Variants in RGS22 observed in about 807,000 individuals in gnomAD.
RGS22 encodes regulator of G-protein signaling 22.
RGS22 carries 148 observed loss-of-function variants against 172.9 expected under a neutral mutation model. The ratio of observed to expected loss-of-function variants is 0.86; its 90% CI spans 0.75 to 0.98. RGS22 has a LOEUF of 0.98. Ranked by LOEUF, RGS22 falls within the 50% of genes least tolerant of loss-of-function variation. RGS22 has a pLI of 0.00. For missense variants in RGS22, 1,347 were observed against 1,440.8 expected (o/e 0.93, Z 1.05); for synonymous variants, 458 against 480.2 (o/e 0.95, Z 0.60).
chr8:100,012,738 C>T (rs1816523065), intron 14 of RGS22, among the ~76,000 whole-genome samples: 1 of 152,062 alleles, frequency 6.6e-6, no homozygotes, highest in Non-Finnish European at 1.5e-5. Context: ...AGGATTTGCT[C>T]CAATAATTCC....
intron 14 of RGS22, among the ~76,000 whole-genome samples, chr8:100,011,129 G>A (rs1308443018): frequency 6.6e-6 from 1 of 152,114 alleles, no homozygotes; most frequent in Non-Finnish European, 1.5e-5. Context: ...CTGGCTAAAG[G>A]AAAGAGGTGA....
chr8:100,049,314 T>C (rs1821040556), intron 10 of RGS22, among the ~76,000 whole-genome samples: 2 of 152,218 alleles, frequency 1.3e-5, no homozygotes, highest in South Asian at 2.1e-4. Flanking sequence ...CCTTAGTTTC[T>C]GTATGGAAAA....
chr8:100,097,610 A>G (rs1027772341), intron 2 of RGS22, among the ~76,000 whole-genome samples: 1 of 152,234 alleles, frequency 6.6e-6, no homozygotes, highest in African/African-American at 2.4e-5. Context: ...GTACAAGGAA[A>G]TAAGATCAAG....
At chr8:100,009,078 T>C (rs894144849) in intron 14 of RGS22, among the ~76,000 whole-genome samples, 3 of 152,174 alleles carry the variant, frequency 2.0e-5, no homozygotes, top group Admixed American at 2.0e-4. Context: ...CCATTAAGTC[T>C]TTCCATCTGG....
chr8:100,076,038 T>A (rs1811324221), intron 4 of RGS22, among the ~76,000 whole-genome samples: 1 of 152,340 alleles, frequency 6.6e-6, no homozygotes, highest in Middle Eastern at 3.4e-3. Flanking sequence ...GAAATGTCTA[T>A]TCTAAACCCT....
Position 100,063,818 on chromosome 8 carries a change from CT to C in RGS22, c.949del (p.Ser317AlafsTer8), listed in dbSNP as rs1160361460. 3.6e-5 allele frequency: 58 copies of C among 1,609,348 alleles called. No homozygotes were observed. Among genetic ancestry groups the C allele is most frequent in the Non-Finnish European group, 4.8e-5 (57 of 1,178,930 alleles). On this transcript the variant is annotated frameshift_variant, in exon 8 of 28. Transcript: ENST00000360863. LOFTEE classifies it high-confidence loss of function. ...TCTCAAAATAAAGTATATATAGGAGCTTAAAAATTCTTCACATGTTGAGAAA... is the reference window on the plus strand; with the variant it reads ...TCTCAAAATAAAGTATATATAGGAGCTAAAAATTCTTCACATGTTGAGAAA... ...MHFSTCEEFL[S>X]SYIYFILRGA... is the part of the protein sequence containing the mutation.
chr8:99,999,513 C>A, intron 18 of RGS22, 93 bp from the exon 19 acceptor site: 1 of 1,400,956 alleles, frequency 7.1e-7, no homozygotes, highest in Non-Finnish European at 9.8e-7. Context: ...AAACCATTTG[C>A]TGCACCCTGA....
intron 23 of RGS22, among the ~76,000 whole-genome samples, chr8:99,970,296 G>C (rs1286873843): frequency 6.6e-6 from 1 of 152,058 alleles, no homozygotes; most frequent in African/African-American, 2.4e-5. Context: ...ATCTAAAATT[G>C]ATACCCTAAC....
Position 100,093,490 on chromosome 8 carries a change from T to C in RGS22, c.74A>G (p.Asp25Gly), listed in dbSNP as rs1245086323. The change falls in exon 3 of 28, where the codon GAT (aspartate) becomes GGT (glycine). Residue 25 changes from aspartate (D) to glycine (G), a missense_variant. Transcript: ENST00000360863. ...ATTAAAGTAGTCTACAAGGAAATCA[T>C]CTGTTGCCAGAGAATCTTCCTGCAA... ...EEEFEDSLATDDFLVDYFNEF... is the reference protein window; with the variant it reads ...EEEFEDSLATGDFLVDYFNEF... The C allele has an allele frequency of 1.9e-6, 3 of 1,597,650 alleles. No homozygotes were observed. Among genetic ancestry groups the C allele is most frequent in the East Asian group, 2.2e-5 (1 of 44,630 alleles).
At chr8:100,005,085 T>C (rs973110830) in intron 16 of RGS22, among the ~76,000 whole-genome samples, 1 of 152,014 alleles carries the variant, frequency 6.6e-6, no homozygotes, top group African/African-American at 2.4e-5. Flanking sequence ...TAAAGTTTAG[T>C]TCATAGAGTT....
intron 2 of RGS22, among the ~76,000 whole-genome samples, chr8:100,103,628 TG>T (rs1468657985): frequency 7.4e-6 from 1 of 135,550 alleles, no homozygotes; most frequent in African/African-American, 2.5e-5. Context: ...TATGGAGATG[TG>T]GAAGTCCCAC....
In RGS22 at chr8:100,090,859, T is replaced by C. The variant is rs188225826; in HGVS notation, c.117+2588A>G. ...TCAAGAGATAGCAAGAGCCAGATCA[T>C]ATAGGATTCTGGATTTTATTCTTAG... On this transcript the variant is annotated intron_variant, in intron 3 of 27. Transcript: ENST00000360863. 1.1e-3 allele frequency among the ~76,000 whole-genome samples: 167 copies of C among 152,278 alleles called. 2 individuals carry two copies. Among genetic ancestry groups the C allele is most frequent in the Middle Eastern group, 0.01 (3 of 294 alleles).
chr8:99,993,124 G>A (rs1813943924), intron 20 of RGS22, among the ~76,000 whole-genome samples: 1 of 152,166 alleles, frequency 6.6e-6, no homozygotes, highest in African/African-American at 2.4e-5. Context: ...GCAGTGTGTA[G>A]AGGGAAATTT....
rs1343674455 is a variant in RGS22, at chr8:100,080,733, T to G, written c.118-378A>C. 12 of 172,720 alleles carry G rather than the reference T, an allele frequency of 6.9e-5. 1 individual carries two copies. In the South Asian group the frequency reaches 1.5e-3, roughly 22 times the overall value. The allele number at this position is 172,720 out of a possible 1,614,324, so 10.7% of individuals were successfully genotyped here. A position where few individuals can be genotyped will look rare whatever the true frequency, so the allele number is the denominator to read the frequency against. ...GAATGAGTAAAGGAAGAAATAATGC[T>G]CCCATTGTCTTTCATCCTTAGGAGC... is the stretch of plus-strand genomic sequence containing the variant. On this transcript the variant is annotated intron_variant, in intron 3 of 27. Transcript: ENST00000360863.
At chr8:100,021,496 AC>A (rs1817597344) in intron 14 of RGS22, among the ~76,000 whole-genome samples, 1 of 152,226 alleles carries the variant, frequency 6.6e-6, no homozygotes, top group African/African-American at 2.4e-5. Flanking sequence ...AGTACAAGGA[AC>A]ATATTTGAAG....
intron 3 of RGS22, among the ~76,000 whole-genome samples, chr8:100,089,364 T>A (rs1812399241): frequency 6.6e-6 from 1 of 152,050 alleles, no homozygotes; most frequent in Non-Finnish European, 1.5e-5. Flanking sequence ...GAAAATCAAA[T>A]CAATTTCTCT....
chr8:99,965,533 AG>A, intron 23 of RGS22, 103 bp from the exon 24 acceptor site: 1 of 810,492 alleles, frequency 1.2e-6, no homozygotes, highest in Non-Finnish European at 2.0e-6. Flanking sequence ...AATATTTCAT[AG>A]TGAGTGCTGC....
At chr8:100,079,871 CTTATAT>C (rs1811618912) in intron 4 of RGS22, among the ~76,000 whole-genome samples, 1 of 152,086 alleles carries the variant, frequency 6.6e-6, no homozygotes, top group Non-Finnish European at 1.5e-5. Context: ...ATAAAGGACA[CTTATAT>C]TTATATGACT....
intron 20 of RGS22, among the ~76,000 whole-genome samples, chr8:99,989,195 A>AT (rs1481835400): frequency 6.6e-6 from 1 of 152,220 alleles, no homozygotes; most frequent in East Asian, 1.9e-4. Context: ...ATAAACATCT[A>AT]TTTTTGTTAG....
Sources: gnomAD v4.1 joint callset for allele counts (sites outside exome capture counted in the v4.1 genomes callset) on GRCh38, gnomAD v4.1.1 for gene constraint, MANE v1.5 for transcripts, NCBI Gene and HGNC (gene_info 2026-07-23, HGNC 2026-07-21) for gene names.